PTPRD: variants seen among roughly 807,000 people sequenced by gnomAD.
PTPRD encodes the protein protein tyrosine phosphatase receptor type D.
A neutral mutation model predicts 214.5 loss-of-function variants in PTPRD; 34 were observed. The observed-to-expected ratio is 0.16, with a 90% CI of 0.12 to 0.21. The LOEUF is 0.21. Ranked by LOEUF, PTPRD falls within the 10% of genes least tolerant of loss-of-function variation. PTPRD has a pLI of 1.00. For missense variants in PTPRD, 2,545 were observed against 2,398.7 expected, an observed-to-expected ratio of 1.06 and a Z score of -1.27; for synonymous variants, 1,128 against 845.7, an observed-to-expected ratio of 1.33 and a Z score of -5.79.
intron 27 of PTPRD, among the ~76,000 whole-genome samples, chr9:8,491,579 T>C (rs948630794): frequency 4.6e-5 from 7 of 151,054 alleles, no homozygotes; most frequent in Non-Finnish European, 8.8e-5. Flanking sequence ...CACAGCCAGA[T>C]AGTCATCATG....
intron 5 of PTPRD, among the ~76,000 whole-genome samples, chr9:9,780,073 T>C (rs534251260): frequency 2.0e-5 from 3 of 152,342 alleles, no homozygotes; most frequent in South Asian, 2.1e-4. Context: ...TGGAATAATA[T>C]GCAGCCATTA....
intron 3 of PTPRD, among the ~76,000 whole-genome samples, chr9:10,226,387 T>C (rs2099588997): frequency 1.3e-5 from 2 of 151,786 alleles, no homozygotes; most frequent in African/African-American, 2.4e-5. Context: ...CAGTTTCCTC[T>C]CCAGGTGGAG....
At chr9:8,792,877 G>A (rs2096281586) in intron 11 of PTPRD, among the ~76,000 whole-genome samples, 1 of 151,800 alleles carries the variant, frequency 6.6e-6, no homozygotes, top group African/African-American at 2.4e-5. Context: ...AAAGTAATAT[G>A]ATTCCTTAAT....
intron 2 of PTPRD, among the ~76,000 whole-genome samples, chr9:10,376,358 G>C (rs368912840): frequency 2.6e-5 from 4 of 151,522 alleles, no homozygotes; most frequent in Non-Finnish European, 5.9e-5. Flanking sequence ...AAGAAAACTA[G>C]AGCAAAGGAA....
intron 27 of PTPRD, among the ~76,000 whole-genome samples, chr9:8,490,841 G>A (rs938823040): frequency 1.3e-5 from 2 of 152,194 alleles, no homozygotes; most frequent in Non-Finnish European, 1.5e-5. Flanking sequence ...CCACAATCAG[G>A]AAGTTTACTA....
chr9:9,129,784 T>C (rs1354634019), intron 10 of PTPRD, among the ~76,000 whole-genome samples: 1 of 152,214 alleles, frequency 6.6e-6, no homozygotes, highest in Non-Finnish European at 1.5e-5. Flanking sequence ...GACATTGTAG[T>C]TATTTGTCCA....
chr9:9,377,183 T>C (rs768273849), intron 9 of PTPRD, among the ~76,000 whole-genome samples: 105 of 152,236 alleles, frequency 6.9e-4, no homozygotes, highest in Non-Finnish European at 4.6e-4. Flanking sequence ...TAATCATGTA[T>C]GCAAATACAT....
chr9:8,396,761 G>A (rs1252120430), intron 36 of PTPRD, among the ~76,000 whole-genome samples: 1 of 152,128 alleles, frequency 6.6e-6, no homozygotes, highest in East Asian at 1.9e-4. Context: ...ACATGTAAGA[G>A]AAAGATGCCA....
intron 14 of PTPRD, among the ~76,000 whole-genome samples, chr9:8,591,241 G>T (rs943116431): frequency 1.3e-5 from 2 of 152,160 alleles, no homozygotes; most frequent in Admixed American, 6.5e-5. Context: ...GCCTTGTAGG[G>T]TAACATAGTC....
rs2062704650 is a variant in PTPRD at position 9,382,705 on chromosome 9, G to A, written c.-203+14744C>T. ...TGGGACTCTTGCACATTGTAGGTGG[G>A]AATGTAAAACAGTACAGCTATTATG... On this transcript the variant is annotated intron_variant, in intron 9 of 45. Transcript: ENST00000381196. Among the ~76,000 whole-genome samples the A allele has an allele frequency of 2.0e-5, 3 of 151,974 alleles. No homozygotes were observed. In the South Asian group the frequency reaches 6.2e-4, roughly 31 times the overall value.
At chr9:9,840,761 C>CAAAAAAAAAAAAAA (rs59780411) in intron 5 of PTPRD, among the ~76,000 whole-genome samples, 1 of 61,622 alleles carries the variant, frequency 1.6e-5, no homozygotes, top group African/African-American at 7.4e-5. Flanking sequence ...GACTCCGTTT[C>CAAAAAAAAAAAAAA]AAAAAAAAAA....
intron 35 of PTPRD, among the ~76,000 whole-genome samples, chr9:8,432,869 C>G (rs1197315776): frequency 1.3e-5 from 2 of 152,192 alleles, no homozygotes; most frequent in Admixed American, 1.3e-4. Flanking sequence ...TCTATGTGGG[C>G]TATCAGGTCC....
chr9:10,421,121 AT>A (rs1396044070), intron 2 of PTPRD, among the ~76,000 whole-genome samples: 2 of 151,904 alleles, frequency 1.3e-5, no homozygotes, highest in African/African-American at 4.8e-5. Context: ...AAGTTTACTA[AT>A]TTGTGTTGGG....
At chr9:9,172,284 C>G (rs983111325) in intron 10 of PTPRD, among the ~76,000 whole-genome samples, 8 of 152,096 alleles carry the variant, frequency 5.3e-5, no homozygotes, top group African/African-American at 1.7e-4. Context: ...GAATCAATTT[C>G]CTTTCAGTGG....
At chr9:9,503,029 C>T (rs961399116) in intron 8 of PTPRD, among the ~76,000 whole-genome samples, 4 of 151,746 alleles carry the variant, frequency 2.6e-5, no homozygotes, top group Admixed American at 6.6e-5. Context: ...TGTTAAAATT[C>T]ATCAAATTGT....
rs185252745 is a variant in PTPRD, at chr9:10,552,617, C to T, written c.-600+59781G>A. 4.1e-4 allele frequency among the ~76,000 whole-genome samples: 63 copies of T among 152,296 alleles called. 1 individual carries two copies. The East Asian group carries it at 8.9e-3, about 22-fold the overall frequency. Reference sequence around the variant, plus strand: ...CTGTGGACGCTAGATCAACCAATTGCTCTTTCCTCTCTCCAACTTCCATTC... The same window carrying T: ...CTGTGGACGCTAGATCAACCAATTGTTCTTTCCTCTCTCCAACTTCCATTC... On this transcript the variant is annotated intron_variant, in intron 2 of 45. Transcript: ENST00000381196.
chr9:8,818,863 C>G (rs1436541542), intron 11 of PTPRD, among the ~76,000 whole-genome samples: 1 of 152,198 alleles, frequency 6.6e-6, no homozygotes, highest in Non-Finnish European at 1.5e-5. Flanking sequence ...GAACACATAG[C>G]TGTTTGTTCG....
chr9:9,140,975 T>G (rs757196046), intron 10 of PTPRD, among the ~76,000 whole-genome samples: 10 of 152,198 alleles, frequency 6.6e-5, no homozygotes, highest in Non-Finnish European at 1.2e-4. Context: ...GAAATTAGAT[T>G]CGGTCATATG....
At chr9:10,324,352 G>T (rs2154430043) in intron 3 of PTPRD, among the ~76,000 whole-genome samples, 1 of 152,090 alleles carries the variant, frequency 6.6e-6, no homozygotes, top group African/African-American at 2.4e-5. Flanking sequence ...CTTGAATGAA[G>T]ATTTTTAACA....
Sources: gnomAD v4.1 joint callset for allele counts (sites outside exome capture counted in the v4.1 genomes callset) on GRCh38, gnomAD v4.1.1 for gene constraint, MANE v1.5 for transcripts, NCBI Gene and HGNC (gene_info 2026-07-23, HGNC 2026-07-21) for gene names.